The following KLHL1 variants were observed in gnomAD, a reference collection of about 807,000 sequenced individuals.
KLHL1 encodes kelch-like protein 1.
In KLHL1, 47 loss-of-function variants were observed where a neutral mutation model predicts 77.7. The observed-to-expected ratio is 0.60, with a 90% CI of 0.48 to 0.77. The LOEUF (loss-of-function observed/expected upper bound fraction) is 0.77, where lower values mean the gene tolerates loss of function less well. Among genes scored for constraint, KLHL1 ranks in the 30% least tolerant of loss-of-function variants. The probability of loss-of-function intolerance (pLI) is 0.00; values close to 1 mark genes in which losing one functional copy is unlikely to be tolerated. For synonymous variants in KLHL1, 360 were observed against 325.2 expected (o/e 1.11, Z -1.15); for missense variants, 925 against 910.8 (o/e 1.02, Z -0.20).
intron 5 of KLHL1, among the ~76,000 whole-genome samples, chr13:69,857,271 C>T (rs61963758): frequency 0.3 from 45,629 of 151,852 alleles, 7,327 homozygotes; most frequent in African/African-American, 0.42. Flanking sequence ...TCTTCCAAGA[C>T]ACAACATATG....
chr13:69,799,367 G>A (rs1257863013), intron 6 of KLHL1, among the ~76,000 whole-genome samples: 1 of 152,152 alleles, frequency 6.6e-6, no homozygotes, highest in Non-Finnish European at 1.5e-5. Flanking sequence ...GCAAGCAAAG[G>A]AGTTGCAATT....
chr13:69,917,120 C>T (rs765362753), intron 4 of KLHL1, among the ~76,000 whole-genome samples: 11 of 151,464 alleles, frequency 7.3e-5, no homozygotes, highest in Admixed American at 2.0e-4. Flanking sequence ...TTGTGGGGAG[C>T]GCTTGAAGAA....
chr13:69,775,938 G>A (rs1417293504), intron 7 of KLHL1, among the ~76,000 whole-genome samples: 1 of 151,912 alleles, frequency 6.6e-6, no homozygotes, highest in East Asian at 1.9e-4. Flanking sequence ...GGATCACAAG[G>A]TCAGGAGATC....
At chr13:70,071,522 C>T (rs539867822) in intron 1 of KLHL1, among the ~76,000 whole-genome samples, 11 of 151,970 alleles carry the variant, frequency 7.2e-5, no homozygotes, top group African/African-American at 1.9e-4. Flanking sequence ...GCAGAATATG[C>T]GATCTTCTCA....
intron 1 of KLHL1, among the ~76,000 whole-genome samples, chr13:70,099,409 G>T (rs1385036328): frequency 6.6e-6 from 1 of 151,784 alleles, no homozygotes; most frequent in Non-Finnish European, 1.5e-5. Flanking sequence ...TCTGTGCAGA[G>T]ATGCTTACTA....
chr13:69,913,064 A>G (rs1882291926), intron 4 of KLHL1, among the ~76,000 whole-genome samples: 1 of 152,102 alleles, frequency 6.6e-6, no homozygotes, highest in Non-Finnish European at 1.5e-5. Flanking sequence ...AATGCACTCC[A>G]CAAACTGGAG....
intron 7 of KLHL1, among the ~76,000 whole-genome samples, chr13:69,790,140 A>C (rs1329963042): frequency 6.6e-6 from 1 of 152,194 alleles, no homozygotes; most frequent in African/African-American, 2.4e-5. Context: ...CACTTAGTTT[A>C]TCCTTGTTGT....
chr13:69,742,353 G>A (rs140659146), intron 7 of KLHL1, among the ~76,000 whole-genome samples: 42 of 151,862 alleles, frequency 2.8e-4, no homozygotes, highest in Middle Eastern at 6.8e-3. Flanking sequence ...AATATATTCC[G>A]GAAAAAAGGA....
chr13:69,899,041 C>A (rs1220524906), intron 4 of KLHL1, among the ~76,000 whole-genome samples: 3 of 148,234 alleles, frequency 2.0e-5, no homozygotes, highest in African/African-American at 7.5e-5. Flanking sequence ...TTTGTGATTC[C>A]TCTACAAAGG....
intron 7 of KLHL1, among the ~76,000 whole-genome samples, chr13:69,757,657 A>G (rs1347220269): frequency 6.6e-6 from 1 of 152,180 alleles, no homozygotes; most frequent in Non-Finnish European, 1.5e-5. Context: ...ACTTAATCAA[A>G]TAAGATCACA....
chr13:70,078,189 CA>C lies in KLHL1; in HGVS notation c.497+29013del, dbSNP rs796176718. On this transcript the variant is annotated intron_variant, in intron 1 of 10. Coordinates refer to ENST00000377844, the MANE Select transcript of KLHL1 (RefSeq NM_020866.3). The stretch of plus-strand genomic sequence containing the variant: ...CTCTAATGAAGGGAATTAACTCAAT[CA>C]AAAAAAAAAAGTATAATAGAGATTC... 3.0e-3 allele frequency among the ~76,000 whole-genome samples: 435 copies of C among 145,444 alleles called. 2 individuals are homozygous for C. Among genetic ancestry groups the C allele is most frequent in the African/African-American group, 8.7e-3 (344 of 39,414 alleles).
At chr13:69,857,495 T>C (rs1281011472) in intron 5 of KLHL1, among the ~76,000 whole-genome samples, 3 of 152,092 alleles carry the variant, frequency 2.0e-5, no homozygotes, top group African/African-American at 4.8e-5. Context: ...CATTAATGTA[T>C]GGTGATGAAT....
At chr13:70,029,301 T>C (rs924114120) in intron 1 of KLHL1, among the ~76,000 whole-genome samples, 1 of 152,162 alleles carries the variant, frequency 6.6e-6, no homozygotes, top group Admixed American at 6.5e-5. Context: ...TGACTTTCTA[T>C]GGCATTGAAA....
chr13:69,932,562 T>G (rs2138283982), intron 4 of KLHL1, among the ~76,000 whole-genome samples: 1 of 152,070 alleles, frequency 6.6e-6, no homozygotes, highest in East Asian at 1.9e-4. Flanking sequence ...TTAAAATGTT[T>G]AGTATTCCTT....
chr13:69,763,358 A>AT (rs1054709258), intron 7 of KLHL1, among the ~76,000 whole-genome samples: 2 of 152,128 alleles, frequency 1.3e-5, no homozygotes, highest in Non-Finnish European at 2.9e-5. Context: ...ATCTATTTTA[A>AT]TTAGTTGGTT....
rs538599815 is a variant in KLHL1, at chr13:69,728,344, C to T, written c.1803-8763G>A. Among the ~76,000 whole-genome samples, 39 of 152,114 alleles carry T rather than the reference C, an allele frequency of 2.6e-4. 1 individual carries two copies. Among genetic ancestry groups the T allele is most frequent in the Non-Finnish European group, 4.4e-4 (30 of 68,000 alleles). ...AACAACAGACAATGAATCCTGCTTT[C>T]GTAATGCTTTAAGCCATATGTGCTT... On this transcript the variant is annotated intron_variant, in intron 8 of 10. Transcript: ENST00000377844.
chr13:69,989,073 C>T (rs1286025517), intron 1 of KLHL1, among the ~76,000 whole-genome samples: 2 of 151,870 alleles, frequency 1.3e-5, no homozygotes, highest in Non-Finnish European at 2.9e-5. Flanking sequence ...GGTTATCTTC[C>T]AGGATTTTTA....
At position 69,958,561 on chromosome 13, in the gene KLHL1, G is replaced by A. The variant is rs773681380; in HGVS notation, c.817+2747C>T. 2.6e-5 allele frequency among the ~76,000 whole-genome samples: 4 copies of A among 150,946 alleles called. No homozygotes were observed. The South Asian group carries it at 8.4e-4, about 32-fold the overall frequency. ...TAATAAGATAAATTACCTACATCTG[G>A]TTCCTTCAAATCTTACACATTTTTC... On this transcript the variant is annotated intron_variant, in intron 3 of 10. Coordinates refer to ENST00000377844, the MANE Select transcript of KLHL1 (RefSeq NM_020866.3).
At chr13:70,045,111 C>A (rs1473656724) in intron 1 of KLHL1, among the ~76,000 whole-genome samples, 1 of 152,128 alleles carries the variant, frequency 6.6e-6, no homozygotes. Context: ...ACCCCAAAGT[C>A]AAGATACAAC....
Sources: gnomAD v4.1 joint callset for allele counts (sites outside exome capture counted in the v4.1 genomes callset) on GRCh38, gnomAD v4.1.1 for gene constraint, MANE v1.5 for transcripts, NCBI Gene and HGNC (gene_info 2026-07-23, HGNC 2026-07-21) for gene names.